The following CYTH2 variants were observed in gnomAD, a reference collection of about 807,000 sequenced individuals.
The protein encoded by CYTH2 is cytohesin-2.
In CYTH2, 24 loss-of-function variants were observed where a neutral mutation model predicts 55.4. The observed-to-expected ratio is 0.43, with a 90% confidence interval of 0.31 to 0.61. The LOEUF (loss-of-function observed/expected upper bound fraction) is 0.61. Among genes scored for constraint, CYTH2 ranks in the 20% least tolerant of loss-of-function variants. CYTH2 has a pLI of 0.08. For missense variants in CYTH2, 378 were observed against 533.5 expected (o/e 0.71, Z 2.87); for synonymous variants, 221 against 209.6 (o/e 1.05, Z -0.47).
At chr19:48,472,469 G>T in intron 4 of CYTH2, 26 bp downstream of exon 4, 2 of 1,598,414 alleles carry the variant, frequency 1.3e-6, no homozygotes, top group East Asian at 2.2e-5. Flanking sequence ...AGCTCCTGTG[G>T]GGCCCCTCCC....
chr19:48,470,358 C>T lies in CYTH2; in HGVS notation c.25C>T (p.Pro9Ser), dbSNP rs923956181. 6.2e-7 allele frequency: 1 copy of T among 1,611,158 alleles called. No homozygotes were observed. The highest frequency in any genetic ancestry group is 1.7e-5 in the Admixed American group (1 of 59,828). Residue 9 changes from proline (P) to serine (S), a missense_variant, in exon 2 of 12, where the codon CCA (proline) becomes TCA (serine). Coordinates refer to ENST00000452733, the MANE Select transcript of CYTH2 (RefSeq NM_004228.7). Reference sequence around the variant, plus strand: ...ACCTTGACCCCGATCCCTAGAACCCCCAGACCTGACTCCGGAGGAGCGGAT... The same window carrying T: ...ACCTTGACCCCGATCCCTAGAACCCTCAGACCTGACTCCGGAGGAGCGGAT... MEDGVYEP[P>S]DLTPEERMEL...
In CYTH2 at chr19:48,474,926, G is replaced by T; in HGVS notation, c.785G>T (p.Arg262Leu). 2.5e-6 allele frequency: 4 copies of T among 1,614,164 alleles called. No individual in the cohort carries two copies. Among genetic ancestry groups the T allele is most frequent in the Non-Finnish European group, 3.4e-6 (4 of 1,180,018 alleles). ...DLTHTFFNPD[R>L]EGWLLKLGGR... is the part of the protein sequence containing the mutation. ...ACCCACACCTTCTTCAACCCGGACC[G>T]GGAGGGCTGGCTCCTGAAGCTGGGT... Residue 262 changes from arginine to leucine, a missense_variant, in exon 8 of 12, where the codon CGG becomes CTG. Coordinates refer to ENST00000452733, the MANE Select transcript of CYTH2 (RefSeq NM_004228.7). This position sits in a 1 kb window ranked among gnomAD's most constrained non-coding sequence, Gnocchi z 4.9.
At chr19:48,475,850 G>A (rs1569090829) in intron 8 of CYTH2, 1 of 271,950 alleles carries the variant, frequency 3.7e-6, no homozygotes, top group Non-Finnish European at 7.6e-6. Flanking sequence ...GTAACAGTAG[G>A]TGCCACCTGC....
rs1439561699 is a variant in CYTH2 at position 48,474,667 on chromosome 19, G to C, written c.697-171G>C. On this transcript the variant is annotated intron_variant, in intron 7 of 11. Transcript: ENST00000452733. The surrounding 1 kb of genome is among the most constrained non-coding windows in gnomAD (Gnocchi z 4.9). ...CACCAGGGCATCTCTTCTTTCCTCC[G>C]CCACCTCAGCCTCCCTCCACTTCTC... is the stretch of plus-strand genomic sequence containing the variant. Among the ~76,000 whole-genome samples the C allele has an allele frequency of 6.6e-6, 1 of 151,726 alleles. No individual in the cohort carries two copies. Among genetic ancestry groups the C allele is most frequent in the South Asian group, 2.1e-4 (1 of 4,796 alleles).
chr19:48,475,262 A>ACC, intron 8 of CYTH2: 7 of 334,138 alleles, frequency 2.1e-5, no homozygotes, highest in South Asian at 4.3e-5. Flanking sequence ...TCGTGGGAGA[A>ACC]GAGTTCACTC....
At position 48,479,666 on chromosome 19, in the gene CYTH2, C is replaced by G. The variant is rs2147515641; in HGVS notation, c.*456C>G. On this transcript the variant is annotated 3_prime_UTR_variant, in exon 12 of 12. Transcript: ENST00000452733. ...ATTCATTCTAGAAGTTACTTGACAG[C>G]CATCAGCCAGTTACGCTACAGCCAT... The G allele has an allele frequency of 6.1e-6, 1 of 164,844 alleles. No individual in the cohort carries two copies. The highest frequency in any genetic ancestry group is 1.5e-4 in the South Asian group (1 of 6,474). The allele number at this position is 164,844 out of a possible 1,614,324, so 10.2% of individuals were successfully genotyped here. A position where few individuals can be genotyped will look rare whatever the true frequency, so the allele number is the denominator to read the frequency against.
At chr19:48,473,703 A>T (rs896303675) in intron 5 of CYTH2, 1 of 604,400 alleles carries the variant, frequency 1.7e-6, no homozygotes, top group Non-Finnish European at 2.9e-6. Context: ...AACTTAGCAG[A>T]AAGAGGCTAT....
At chr19:48,471,515 C>A (rs947954799) in intron 3 of CYTH2, among the ~76,000 whole-genome samples, 5 of 152,158 alleles carry the variant, frequency 3.3e-5, no homozygotes, top group Admixed American at 2.0e-4. Context: ...CTGTGTAGGG[C>A]AATGCTGGGG....
Position 48,472,427 on chromosome 19 carries a change from G to A in CYTH2, c.337G>A (p.Asp113Asn). 2 of 1,613,486 alleles carry A rather than the reference G, an allele frequency of 1.2e-6. No homozygotes were observed. The highest frequency in any genetic ancestry group is 1.7e-6 in the Non-Finnish European group (2 of 1,180,006). ...GEGLNKTAIG[D>N]YLGEREELNL... ...GGGGCTGAACAAGACAGCCATCGGG[G>A]ACTACCTGGGGGAGAGGTACGGTCA... Residue 113 changes from aspartate (D) to asparagine (N), a missense_variant, in exon 4 of 12, where the codon GAC becomes AAC. Asp to Asn is a conservative substitution (Grantham distance 23). Transcript: ENST00000452733.
intron 4 of CYTH2, chr19:48,472,891 G>A (rs1971832702): frequency 6.4e-6 from 2 of 311,510 alleles, no homozygotes; most frequent in Admixed American, 4.5e-5. Flanking sequence ...ATGATTGGAG[G>A]CCATCTGTGG....
In CYTH2 at chr19:48,470,436, C is replaced by T. The variant is rs745652246; in HGVS notation, c.103C>T (p.Arg35Cys). ...GCAGGAGCTGCTGGTGGAGATTCAG[C>T]GCCTGCGGGAGGAGCTCAGTGAAGC... is the stretch of plus-strand genomic sequence containing the variant. ...RKQELLVEIQ[R>C]LREELSEAMS... The change falls in exon 2 of 12, where the codon CGC becomes TGC. Residue 35 changes from arginine (R) to cysteine (C), a missense_variant. Transcript: ENST00000452733. 2 of 1,614,066 alleles carry T rather than the reference C, an allele frequency of 1.2e-6. No homozygotes were observed. The highest frequency in any genetic ancestry group is 1.7e-6 in the Non-Finnish European group (2 of 1,180,012).
chr19:48,478,014 C>T (rs1053157629), intron 8 of CYTH2, 55 bp from the exon 9 acceptor site: 3 of 1,470,562 alleles, frequency 2.0e-6, no homozygotes, highest in African/African-American at 2.8e-5. Context: ...TCCCATCTCC[C>T]AGAGGCCCTG....
rs1001708783 is a variant in CYTH2, at chr19:48,479,499, C to T, written c.*289C>T. 1 of 454,820 alleles carries T rather than the reference C, an allele frequency of 2.2e-6. No individual in the cohort carries two copies. The highest frequency in any genetic ancestry group is 4.0e-6 in the Non-Finnish European group (1 of 248,656). The allele number at this position is 454,820 out of a possible 1,614,324, so 28.2% of individuals were successfully genotyped here. On this transcript the variant is annotated 3_prime_UTR_variant, in exon 12 of 12. Transcript: ENST00000452733. ...CGCCTGTCTCTGGGTGCTGCCTGGGCTGTCCCGGTGGGTCTGTTCTGGTTT... is the reference window on the plus strand; with the variant it reads ...CGCCTGTCTCTGGGTGCTGCCTGGGTTGTCCCGGTGGGTCTGTTCTGGTTT...
chr19:48,470,790 A>T lies in CYTH2; in HGVS notation c.234+121A>T, dbSNP rs1440613438. On this transcript the variant is annotated intron_variant, in intron 3 of 11. Coordinates refer to ENST00000452733, the MANE Select transcript of CYTH2 (RefSeq NM_004228.7). ...ATTCTAGGTGGACAGACTTGGTCCT[A>T]ATCCCTGGATTCAGATACTGGCTGT... 6 of 1,066,758 alleles carry T rather than the reference A, an allele frequency of 5.6e-6. No homozygotes were observed. The Admixed American group carries it at 1.3e-4, about 24-fold the overall frequency. The allele number at this position is 1,066,758 out of a possible 1,614,324, so 66.1% of individuals were successfully genotyped here. A position where few individuals can be genotyped will look rare whatever the true frequency, so the allele number is the denominator to read the frequency against.
intron 8 of CYTH2, 76 bp downstream of exon 8, chr19:48,475,025 C>T: frequency 7.7e-7 from 1 of 1,304,804 alleles, no homozygotes; most frequent in South Asian, 1.3e-5. Flanking sequence ...TCAGCTTCCG[C>T]ACACACCTGC....
rs372484993 is a variant in CYTH2, at chr19:48,471,166, T to TTGTG, written c.234+508_234+511dup. 3.3e-4 allele frequency among the ~76,000 whole-genome samples: 50 copies of TTGTG among 150,650 alleles called. No individual in the cohort carries two copies. In the South Asian group the frequency reaches 9.8e-3, roughly 30 times the overall value. On this transcript the variant is annotated intron_variant, in intron 3 of 11. Transcript: ENST00000452733. ...GGAAAGGCTTTTGTTCACCTACTCTTTGTGTGTGTGTGTGAGACAGAGTCT... is the reference window on the plus strand; with the variant it reads ...GGAAAGGCTTTTGTTCACCTACTCTTTGTGTGTGTGTGTGTGTGAGACAGAGTCT...
At chr19:48,472,575 C>T (rs1175514988) in intron 4 of CYTH2, 132 bp downstream of exon 4, 4 of 791,888 alleles carry the variant, frequency 5.1e-6, no homozygotes, top group Admixed American at 2.0e-5. Flanking sequence ...GCAGATCAGC[C>T]TTCTGACTGG....
intron 3 of CYTH2, among the ~76,000 whole-genome samples, chr19:48,470,877 C>T (rs1971779158): frequency 6.6e-6 from 1 of 152,036 alleles, no homozygotes; most frequent in Non-Finnish European, 1.5e-5. Flanking sequence ...CTGTTTTGTC[C>T]CCTGCCTGGA....
In CYTH2 at chr19:48,479,298, C is replaced by T; in HGVS notation, c.*88C>T. ...GGCCTTGGGGCTGTGGATCCTGGTT[C>T]CCTGTTTGGAAAATTCACCACCTCT... On this transcript the variant is annotated 3_prime_UTR_variant, in exon 12 of 12. Transcript: ENST00000452733. 1 of 1,420,456 alleles carries T rather than the reference C, an allele frequency of 7.0e-7. No individual in the cohort carries two copies. The highest frequency in any genetic ancestry group is 2.3e-5 in the East Asian group (1 of 43,208). The allele number at this position is 1,420,456 out of a possible 1,614,324, so 88.0% of individuals were successfully genotyped here. A position where few individuals can be genotyped will look rare whatever the true frequency, so the allele number is the denominator to read the frequency against.
Sources: gnomAD v4.1 joint callset for allele counts (sites outside exome capture counted in the v4.1 genomes callset) on GRCh38, gnomAD v4.1.1 for gene constraint, Gnocchi (gnomAD v3.1) non-coding constraint, MANE v1.5 for transcripts, NCBI Gene and HGNC (gene_info 2026-07-23, HGNC 2026-07-21) for gene names.